The following ARID1B variants were observed in gnomAD, a reference collection of about 807,000 sequenced individuals.
ARID1B encodes AT-rich interactive domain-containing protein 1B.
In ARID1B, 30 loss-of-function variants were observed where a neutral mutation model predicts 212.3. The ratio of observed to expected loss-of-function variants is 0.14; its 90% confidence interval spans 0.11 to 0.19. ARID1B has a LOEUF of 0.19. Ranked by LOEUF, ARID1B falls within the 10% of genes least tolerant of loss-of-function variation. ARID1B has a pLI of 1.00. For synonymous variants in ARID1B, 1,402 were observed against 1,301.7 expected, an observed-to-expected ratio of 1.08 and a Z score of -1.66; for missense variants, 2,891 against 3,204.0, an observed-to-expected ratio of 0.90 and a Z score of 2.36.
intron 4 of ARID1B, among the ~76,000 whole-genome samples, chr6:157,018,915 G>A (rs2128468872): frequency 6.6e-6 from 1 of 152,264 alleles, no homozygotes; most frequent in Non-Finnish European, 1.5e-5. Context: ...AGACTTGGAA[G>A]CATGACCTCA....
At chr6:156,882,304 C>T (rs1562457211) in intron 2 of ARID1B, among the ~76,000 whole-genome samples, 1 of 152,162 alleles carries the variant, frequency 6.6e-6, no homozygotes, top group Non-Finnish European at 1.5e-5. Flanking sequence ...TGCTGTGCTT[C>T]TTTGATGCCA....
chr6:157,106,770 G>T (rs755437239), intron 5 of ARID1B, among the ~76,000 whole-genome samples: 2 of 152,298 alleles, frequency 1.3e-5, no homozygotes, highest in Non-Finnish European at 1.5e-5. Context: ...GAGGTTACTC[G>T]AGGGTGTGTC....
chr6:156,947,427 G>GT (rs201419196), intron 4 of ARID1B, among the ~76,000 whole-genome samples: 2 of 151,994 alleles, frequency 1.3e-5, no homozygotes, highest in Non-Finnish European at 2.9e-5. Context: ...GCCTTTACTT[G>GT]TTTTTTTCTT....
At chr6:156,950,216 T>C (rs926848665) in intron 4 of ARID1B, among the ~76,000 whole-genome samples, 2 of 152,196 alleles carry the variant, frequency 1.3e-5, no homozygotes, top group African/African-American at 4.8e-5. Flanking sequence ...AGCAAAGGCA[T>C]AGGTACAGAT....
intron 1 of ARID1B, among the ~76,000 whole-genome samples, chr6:156,815,345 T>C (rs1781889625): frequency 6.6e-6 from 1 of 152,244 alleles, no homozygotes; most frequent in Non-Finnish European, 1.5e-5. Context: ...GCGCTGATGC[T>C]AGATTGGTAT....
At chr6:157,108,373 C>T (rs556890453) in intron 5 of ARID1B, among the ~76,000 whole-genome samples, 4 of 152,262 alleles carry the variant, frequency 2.6e-5, no homozygotes, top group African/African-American at 9.6e-5. Context: ...GTCTAAGCCA[C>T]GGTGCCCTGT....
rs747438636 is a variant in ARID1B, at chr6:156,778,909, G to GAGGAGC, written c.1241_1246dup (p.Ala414_Gly415dup). ...GGCAGCGGAGGAGGAGGAGGAGGAGGAGGAGCAGGAGCAGGAGGAGCAGGA... is the reference window on the plus strand; with the variant it reads ...GGCAGCGGAGGAGGAGGAGGAGGAGGAGGAGCAGGAGCAGGAGCAGGAGGAGCAGGA... On this transcript the variant is annotated inframe_insertion, in exon 1 of 20. Coordinates refer to ENST00000636930, the MANE Select transcript of ARID1B (RefSeq NM_001374828.1). 529 of 1,352,964 alleles carry GAGGAGC rather than the reference G, an allele frequency of 3.9e-4. No homozygotes were observed. The highest frequency in any genetic ancestry group is 2.6e-3 in the Middle Eastern group (11 of 4,272). 83.8% of individuals were successfully genotyped at this position (1,352,964 alleles called of 1,614,324 possible). A position where few individuals can be genotyped will look rare whatever the true frequency, so the allele number is the denominator to read the frequency against.
intron 2 of ARID1B, among the ~76,000 whole-genome samples, chr6:156,843,559 C>T (rs986904190): frequency 7.9e-5 from 12 of 151,914 alleles, no homozygotes; most frequent in Non-Finnish European, 1.8e-4. Flanking sequence ...ATGGTAACAC[C>T]GAGGGGCACA....
chr6:157,070,964 AT>A (rs1449213269), intron 4 of ARID1B, among the ~76,000 whole-genome samples: 5 of 152,204 alleles, frequency 3.3e-5, no homozygotes, highest in Admixed American at 3.3e-4. Context: ...GTACAGAGAA[AT>A]CCTGCCGAGC....
intron 2 of ARID1B, among the ~76,000 whole-genome samples, chr6:156,889,762 A>C (rs764489138): frequency 1.3e-5 from 2 of 152,234 alleles, no homozygotes; most frequent in Non-Finnish European, 2.9e-5. Context: ...GCAAAGGAAA[A>C]GAATCAAGGG....
chr6:157,156,047 G>A (rs942406253), intron 8 of ARID1B, among the ~76,000 whole-genome samples: 3 of 152,266 alleles, frequency 2.0e-5, no homozygotes, highest in Admixed American at 6.5e-5. Context: ...GCTGATGGAC[G>A]AAGAGCTGCT....
chr6:156,946,639 C>T (rs1055125794), intron 4 of ARID1B, among the ~76,000 whole-genome samples: 3 of 149,268 alleles, frequency 2.0e-5, no homozygotes, highest in East Asian at 2.0e-4. Context: ...GTTAGCTCAG[C>T]GATGCTGTGA....
At chr6:156,866,940 A>G (rs954265782) in intron 2 of ARID1B, among the ~76,000 whole-genome samples, 2 of 152,158 alleles carry the variant, frequency 1.3e-5, no homozygotes, top group African/African-American at 4.8e-5. Context: ...AGTGCATTTT[A>G]TTTTCTGTAC....
chr6:157,120,116 C>T (rs1787605362), intron 6 of ARID1B, among the ~76,000 whole-genome samples: 2 of 152,222 alleles, frequency 1.3e-5, no homozygotes, highest in Non-Finnish European at 2.9e-5. Context: ...TTATTTGCTT[C>T]TCCAGGGCAT....
At chr6:156,921,007 T>G (rs964210204) in intron 3 of ARID1B, among the ~76,000 whole-genome samples, 1 of 151,854 alleles carries the variant, frequency 6.6e-6, no homozygotes, top group African/African-American at 2.4e-5. Flanking sequence ...CAGGCAGTAA[T>G]TAATTAATTA....
chr6:156,778,856 CGGCGGCGGCGGCGGCGGAGGAGGAGGA>C lies in ARID1B; in HGVS notation c.1180_1206del (p.Gly394_Gly402del). On this transcript the variant is annotated inframe_deletion, in exon 1 of 20. Transcript: ENST00000636930. ...ACAGCCGGCCCGGCGCGGGCGGCGG[CGGCGGCGGCGGCGGCGGAGGAGGAGGA>C]GGCAGCGGAGGAGGAGGAGGAGGAG... is the stretch of plus-strand genomic sequence containing the variant. The C allele has an allele frequency of 7.2e-7, 1 of 1,393,728 alleles. No individual in the cohort carries two copies. Among genetic ancestry groups the C allele is most frequent in the South Asian group, 1.6e-5 (1 of 61,886 alleles). The allele number at this position is 1,393,728 out of a possible 1,614,324, so 86.3% of individuals were successfully genotyped here.
chr6:156,849,184 T>C (rs758409254), intron 2 of ARID1B, among the ~76,000 whole-genome samples: 2 of 152,214 alleles, frequency 1.3e-5, no homozygotes, highest in Non-Finnish European at 2.9e-5. Context: ...TTATTCTAAA[T>C]TGTTGCCTCG....
chr6:157,084,512 C>G (rs569157406), intron 4 of ARID1B, 150 bp from the exon 5 acceptor site: 337 of 935,924 alleles, frequency 3.6e-4, no homozygotes, highest in Non-Finnish European at 5.1e-4. Context: ...TCATTAAAAT[C>G]TAATAAAAAG....
At chr6:156,919,884 A>G (rs749365813) in intron 3 of ARID1B, among the ~76,000 whole-genome samples, 7 of 152,202 alleles carry the variant, frequency 4.6e-5, no homozygotes, top group Non-Finnish European at 5.9e-5. Flanking sequence ...AAAAACTTCA[A>G]ACACCTTAAG....
Sources: allele counts gnomAD v4.1 joint callset (sites outside exome capture counted in the v4.1 genomes callset), GRCh38; gene constraint gnomAD v4.1.1; transcripts MANE v1.5; gene names NCBI Gene and HGNC (gene_info 2026-07-23, HGNC 2026-07-21).